TMEM200A: variants seen among roughly 807,000 people sequenced by gnomAD.
TMEM200A encodes two transmembrane C.
In TMEM200A, 12 loss-of-function variants were observed where a neutral mutation model predicts 24.3. The observed-to-expected ratio is 0.49, with a 90% CI of 0.32 to 0.80. The LOEUF (loss-of-function observed/expected upper bound fraction) is 0.80, where lower values mean the gene tolerates loss of function less well. Among genes scored for constraint, TMEM200A ranks in the 30% least tolerant of loss-of-function variants. TMEM200A has a pLI of 0.04. For synonymous variants in TMEM200A, 224 were observed against 224.4 expected (o/e 1.00, Z 0.02); for missense variants, 545 against 614.4 (o/e 0.89, Z 1.19).
chr6:130,430,220 T>C (rs1779843415), intron 2 of TMEM200A, among the ~76,000 whole-genome samples: 2 of 152,082 alleles, frequency 1.3e-5, no homozygotes, highest in Non-Finnish European at 2.9e-5. Flanking sequence ...TACTGTGTCC[T>C]CACATGGTAG....
intron 2 of TMEM200A, among the ~76,000 whole-genome samples, chr6:130,432,145 C>T (rs1374757860): frequency 6.6e-6 from 1 of 152,176 alleles, no homozygotes; most frequent in African/African-American, 2.4e-5. Context: ...CTGTACTCCC[C>T]ATATGCCCAG....
rs1271956650 is a variant in TMEM200A, at chr6:130,441,611, T to C, written c.1189T>C (p.Ser397Pro). The change falls in exon 3 of 3, where the codon TCC (serine) becomes CCC (proline). Residue 397 changes from serine to proline, a missense_variant. Transcript: ENST00000296978. ...GCATTTGCTCTCGTCACACTCAAAG[T>C]CCTTGGACTTAGACCGGGGTCCCTC... is the stretch of plus-strand genomic sequence containing the variant. Reference protein sequence around the residue: ...SLHLLSSHSKSLDLDRGPSTL... With the variant: ...SLHLLSSHSKPLDLDRGPSTL... 1 of 1,613,920 alleles carries C rather than the reference T, an allele frequency of 6.2e-7. No individual in the cohort carries two copies. The highest frequency in any genetic ancestry group is 1.3e-5 in the African/African-American group (1 of 74,908).
chr6:130,419,686 C>A (rs1195448909), intron 2 of TMEM200A, among the ~76,000 whole-genome samples: 3 of 152,136 alleles, frequency 2.0e-5, no homozygotes, highest in African/African-American at 7.2e-5. Context: ...AAGAGGGAAT[C>A]TTTGTGGAAT....
intron 2 of TMEM200A, among the ~76,000 whole-genome samples, chr6:130,426,157 A>G (rs929983995): frequency 2.0e-5 from 3 of 152,136 alleles, no homozygotes; most frequent in African/African-American, 7.2e-5. Context: ...CTGTAGGTTG[A>G]GAGTAGACAG....
intron 2 of TMEM200A, among the ~76,000 whole-genome samples, chr6:130,389,637 A>G (rs984639048): frequency 4.0e-5 from 6 of 149,310 alleles, no homozygotes; most frequent in African/African-American, 1.5e-4. Context: ...GCCAGATTTT[A>G]ACACCAATAA....
intron 2 of TMEM200A, among the ~76,000 whole-genome samples, chr6:130,433,454 C>CTA (rs1377770353): frequency 6.6e-6 from 1 of 152,110 alleles, no homozygotes; most frequent in Non-Finnish European, 1.5e-5. Flanking sequence ...GATTTTTATT[C>CTA]TATTTTTATT....
At chr6:130,403,573 A>T (rs1158522350) in intron 2 of TMEM200A, among the ~76,000 whole-genome samples, 1 of 79,418 alleles carries the variant, frequency 1.3e-5, no homozygotes, top group Non-Finnish European at 2.2e-5. Context: ...TTTACAGTGA[A>T]AAAAGCCTGG....
rs1163508281 is a variant in TMEM200A at position 130,441,608 on chromosome 6, A to G, written c.1186A>G (p.Lys396Glu). The change falls in exon 3 of 3, where the codon AAG becomes GAG. Residue 396 changes from lysine (K) to glutamate (E), a missense_variant. Coordinates refer to ENST00000296978, the MANE Select transcript of TMEM200A (RefSeq NM_001258277.2). Reference protein sequence around the residue: ...TSLHLLSSHSKSLDLDRGPST... With the variant: ...TSLHLLSSHSESLDLDRGPST... Reference sequence around the variant, plus strand: ...CTTGCATTTGCTCTCGTCACACTCAAAGTCCTTGGACTTAGACCGGGGTCC... The same window carrying G: ...CTTGCATTTGCTCTCGTCACACTCAGAGTCCTTGGACTTAGACCGGGGTCC... 1.1e-5 allele frequency: 18 copies of G among 1,614,082 alleles called. No individual in the cohort carries two copies. Among genetic ancestry groups the G allele is most frequent in the East Asian group, 2.2e-5 (1 of 44,838 alleles).
At chr6:130,365,721 G>T (rs1778119383), upstream of TMEM200A, 2 of 985,410 alleles carry the variant, frequency 2.0e-6, no homozygotes, top group African/African-American at 3.5e-5. Context: ...GCCTGCAAGC[G>T]GGTACTTTGT....
intron 2 of TMEM200A, among the ~76,000 whole-genome samples, chr6:130,435,920 A>G (rs1779994575): frequency 6.6e-6 from 1 of 152,202 alleles, no homozygotes; most frequent in Non-Finnish European, 1.5e-5. Flanking sequence ...AAGAGGCCAG[A>G]TACTCACCCA....
At chr6:130,413,319 A>C (rs1165036933) in intron 2 of TMEM200A, among the ~76,000 whole-genome samples, 1 of 152,176 alleles carries the variant, frequency 6.6e-6, no homozygotes, top group Non-Finnish European at 1.5e-5. Context: ...ATCAAAACAG[A>C]TGTCAAGTAG....
chr6:130,380,093 A>G (rs1778559180), intron 1 of TMEM200A, among the ~76,000 whole-genome samples: 1 of 152,222 alleles, frequency 6.6e-6, no homozygotes, highest in South Asian at 2.1e-4. Context: ...TGCATCTCCA[A>G]TGTAGTATAA....
rs1003526433 is a variant in TMEM200A, at chr6:130,369,970, C to T, written c.-81+3446C>T. Among the ~76,000 whole-genome samples the T allele has an allele frequency of 5.3e-5, 8 of 152,168 alleles. No homozygotes were observed. In the East Asian group the frequency reaches 1.5e-3, roughly 29 times the overall value. On this transcript the variant is annotated intron_variant, in intron 1 of 2. Transcript: ENST00000296978. ...GAGTTACTCAGGATTCATTTGCTTG[C>T]ATGTGTGAATATTTAACTAGGTAAA...
chr6:130,413,472 C>T (rs1205961625), intron 2 of TMEM200A, among the ~76,000 whole-genome samples: 1 of 152,154 alleles, frequency 6.6e-6, no homozygotes, highest in Non-Finnish European at 1.5e-5. Flanking sequence ...AAATCTTCTT[C>T]CTACGCTCAG....
chr6:130,383,155 G>A, intron 1 of TMEM200A: 1 of 705,526 alleles, frequency 1.4e-6, no homozygotes, highest in Non-Finnish European at 1.7e-6. Flanking sequence ...GTTGTCCGTA[G>A]CATCGGGCAA....
intron 2 of TMEM200A, among the ~76,000 whole-genome samples, chr6:130,413,037 G>T (rs1366172331): frequency 6.6e-6 from 1 of 152,116 alleles, no homozygotes; most frequent in Admixed American, 6.5e-5. Flanking sequence ...TGTCTTCAGA[G>T]GATTTTGTGT....
chr6:130,397,448 A>G (rs892324755), intron 2 of TMEM200A, among the ~76,000 whole-genome samples: 5 of 152,118 alleles, frequency 3.3e-5, no homozygotes, highest in African/African-American at 1.2e-4. Flanking sequence ...CTTTATTTTA[A>G]TGGCAAATTG....
intron 2 of TMEM200A, among the ~76,000 whole-genome samples, chr6:130,411,205 G>A (rs1049634465): frequency 3.3e-5 from 5 of 151,852 alleles, no homozygotes; most frequent in South Asian, 2.1e-4. Context: ...TTACATTGAC[G>A]CTTGAGATTT....
At chr6:130,417,893 TCACTC>T (rs1366910864) in intron 2 of TMEM200A, among the ~76,000 whole-genome samples, 1 of 152,172 alleles carries the variant, frequency 6.6e-6, no homozygotes, top group Admixed American at 6.5e-5. Flanking sequence ...CTCAAAGTCT[TCACTC>T]CAACTTCGCT....
Sources: allele counts gnomAD v4.1 joint callset (sites outside exome capture counted in the v4.1 genomes callset), GRCh38; gene constraint gnomAD v4.1.1; transcripts MANE v1.5; gene names NCBI Gene and HGNC (gene_info 2026-07-23, HGNC 2026-07-21).